NT5DC3: variants seen among roughly 807,000 people sequenced by gnomAD.
NT5DC3 encodes 5'-nucleotidase domain-containing protein 3.
NT5DC3 carries 42 observed loss-of-function variants against 67.8 expected under a neutral mutation model. That is an observed-to-expected ratio of 0.62 (90% CI 0.48 to 0.80). The LOEUF (loss-of-function observed/expected upper bound fraction) is 0.80. NT5DC3 is among the 30% of genes least tolerant of loss of function. The pLI, the probability that NT5DC3 is intolerant of heterozygous loss-of-function variation, is 0.00. For missense variants in NT5DC3, 570 were observed against 696.4 expected (o/e 0.82, Z 2.04); for synonymous variants, 237 against 255.6 (o/e 0.93, Z 0.69).
At chr12:103,799,308 T>C (rs55932227) in intron 4 of NT5DC3, among the ~76,000 whole-genome samples, 14,604 of 152,268 alleles carry the variant, frequency 0.096, 993 homozygotes, top group East Asian at 0.31. Context: ...TCATCTTGAA[T>C]TGTAGCTCCT....
Position 103,793,271 on chromosome 12 carries a change from G to C in NT5DC3, c.918-6C>G, listed in dbSNP as rs746238285. On this transcript the variant is annotated splice_polypyrimidine_tract_variant and splice_region_variant and intron_variant, in intron 8 of 13. Transcript: ENST00000392876. ...TATAACTCATCCCTTTGTCCCTAGG[G>C]CAACAAGTCAGCCAGGTTAGTCTAA... is the stretch of plus-strand genomic sequence containing the variant. The C allele has an allele frequency of 6.2e-7, 1 of 1,603,300 alleles. No homozygotes were observed. Among genetic ancestry groups the C allele is most frequent in the Non-Finnish European group, 8.5e-7 (1 of 1,172,100 alleles).
At chr12:103,825,170 T>A (rs75621742) in intron 1 of NT5DC3, among the ~76,000 whole-genome samples, 2,639 of 152,308 alleles carry the variant, frequency 0.017, 76 homozygotes, top group African/African-American at 0.061. Context: ...ATATTTTGCA[T>A]CGTCTCCGAG....
chr12:103,758,538 C>T, the NT5DC3 span, among the ~76,000 whole-genome samples: 29 of 152,174 alleles, frequency 1.9e-4, no homozygotes, highest in African/African-American at 5.3e-4. Flanking sequence ...CTAGCCCAGG[C>T]GAGTTCTCAG....
At chr12:103,761,881 TAGTA>T in the NT5DC3 span, among the ~76,000 whole-genome samples, 2 of 152,174 alleles carry the variant, frequency 1.3e-5, no homozygotes, top group Non-Finnish European at 2.9e-5. Context: ...TGGTGGTTGT[TAGTA>T]TTCTTTTTTG....
chr12:103,764,950 C>T, the NT5DC3 span, among the ~76,000 whole-genome samples: 35 of 132,030 alleles, frequency 2.7e-4, 1 homozygote, highest in South Asian at 5.5e-4. Flanking sequence ...TAGGCAGGAG[C>T]GGTGGTGCCT....
In NT5DC3 at chr12:103,841,129, C is replaced by T. The variant is rs1303430245; in HGVS notation, c.28G>A (p.Ala10Thr). 3.3e-6 allele frequency: 3 copies of T among 902,298 alleles called. No homozygotes were observed. Among genetic ancestry groups the T allele is most frequent in the South Asian group, 2.9e-5 (1 of 34,904 alleles). 55.9% of individuals were successfully genotyped at this position (902,298 alleles called of 1,614,324 possible). The change falls in exon 1 of 14, where the codon GCA (alanine) becomes ACA (threonine). Residue 10 changes from alanine to threonine, a missense_variant. Coordinates refer to ENST00000392876, the MANE Select transcript of NT5DC3 (RefSeq NM_001031701.3). The part of the protein sequence containing the change: MTMAAAAVV[A>T]RGAGARAATA... ...GCTGCCCTCGCCCCGGCCCCGCGTGCCACCACCGCCGCCGCTGCCATGGTC... is the reference window on the plus strand; with the variant it reads ...GCTGCCCTCGCCCCGGCCCCGCGTGTCACCACCGCCGCCGCTGCCATGGTC...
the NT5DC3 span, among the ~76,000 whole-genome samples, chr12:103,765,043 C>T: frequency 1.2e-3 from 165 of 132,166 alleles, 1 homozygote; most frequent in African/African-American, 4.6e-3. Flanking sequence ...GCAGAGATTG[C>T]ACCACTGCAC....
At chr12:103,747,528 G>A in the NT5DC3 span, among the ~76,000 whole-genome samples, 3 of 151,376 alleles carry the variant, frequency 2.0e-5, no homozygotes, top group Non-Finnish European at 2.9e-5. Flanking sequence ...AGAGGAAGGA[G>A]GCAAACCTCC....
the NT5DC3 span, among the ~76,000 whole-genome samples, chr12:103,749,872 A>AAAAG: frequency 2.3e-5 from 3 of 131,480 alleles, no homozygotes; most frequent in African/African-American, 2.9e-5. Flanking sequence ...AAAAAAAAAA[A>AAAAG]GCTGGTAAGA....
At chr12:103,780,549 T>C (rs968028500) in intron 12 of NT5DC3, among the ~76,000 whole-genome samples, 185 bp from the exon 13 acceptor site, 2 of 152,224 alleles carry the variant, frequency 1.3e-5, no homozygotes, top group African/African-American at 4.8e-5. Flanking sequence ...TCTTCATGAA[T>C]AAAAAATTGT....
intron 4 of NT5DC3, chr12:103,802,510 C>G (rs1209320942): frequency 6.6e-6 from 1 of 152,260 alleles, no homozygotes; most frequent in Non-Finnish European, 1.5e-5. Context: ...TGATGAGATT[C>G]AGTCCTGAGA....
intron 1 of NT5DC3, among the ~76,000 whole-genome samples, chr12:103,828,548 A>G (rs913678605): frequency 6.6e-6 from 1 of 152,174 alleles, no homozygotes; most frequent in Non-Finnish European, 1.5e-5. Context: ...GACATAAAGA[A>G]AGGTCAAGAT....
the NT5DC3 span, among the ~76,000 whole-genome samples, chr12:103,756,993 G>GAAAA: frequency 5.2e-4 from 8 of 15,262 alleles, no homozygotes; most frequent in African/African-American, 3.2e-3. Context: ...CAGAAGGAGG[G>GAAAA]AAAATATATA....
chr12:103,768,990 C>T (rs985057817), downstream of NT5DC3: 1 of 152,152 alleles, frequency 6.6e-6, no homozygotes, highest in Non-Finnish European at 1.5e-5. Flanking sequence ...GCACCTACAG[C>T]AGATTTCCTC....
downstream of NT5DC3, chr12:103,766,157 A>G: frequency 7.8e-7 from 1 of 1,282,612 alleles, no homozygotes; most frequent in Non-Finnish European, 1.1e-6. Flanking sequence ...GCACAAACAA[A>G]CACGCCCAGC....
intron 9 of NT5DC3, chr12:103,789,138 AG>A (rs1885926719): frequency 1.6e-5 from 8 of 507,700 alleles, no homozygotes; most frequent in Non-Finnish European, 2.8e-5. Flanking sequence ...AAAGAATTCC[AG>A]GGGGCTGGGC....
At chr12:103,805,188 C>T (rs1886746541) in intron 4 of NT5DC3, among the ~76,000 whole-genome samples, 1 of 152,108 alleles carries the variant, frequency 6.6e-6, no homozygotes, top group South Asian at 2.1e-4. Flanking sequence ...GGAGGAGGTG[C>T]CAGAAAGCTA....
chr12:103,747,164 CA>C, the NT5DC3 span, among the ~76,000 whole-genome samples: 46 of 149,884 alleles, frequency 3.1e-4, no homozygotes, highest in African/African-American at 8.1e-4. Context: ...ATCCAGCCTT[CA>C]AAAAAAAATC....
chr12:103,793,449 T>C lies in NT5DC3; in HGVS notation c.878A>G (p.Lys293Arg). Residue 293 changes from lysine to arginine, a missense_variant, in exon 8 of 14, where the codon AAG (lysine) becomes AGG (arginine). This residue lies in a region of NT5DC3 where 466 missense variants were observed against 608.0 expected (regional missense o/e 0.77). Coordinates refer to ENST00000392876, the MANE Select transcript of NT5DC3 (RefSeq NM_001031701.3). Reference protein sequence around the residue: ...AVLAKLADHGKKMFLITNSPS... With the variant: ...AVLAKLADHGRKMFLITNSPS... ...GCTATTGGTGATGAGAAACATCTTC[T>C]TGCCATGATCAGCCAGTTTGGCCAA... 1.2e-6 allele frequency: 2 copies of C among 1,614,252 alleles called. No individual in the cohort carries two copies. Among genetic ancestry groups the C allele is most frequent in the Non-Finnish European group, 1.7e-6 (2 of 1,180,044 alleles).
Sources: allele counts gnomAD v4.1 joint callset (sites outside exome capture counted in the v4.1 genomes callset), GRCh38; gene constraint gnomAD v4.1.1; regional missense constraint gnomAD v4.1.1; transcripts MANE v1.5; gene names NCBI Gene and HGNC (gene_info 2026-07-23, HGNC 2026-07-21).